The following RBFOX2 variants were observed in gnomAD, a reference collection of about 807,000 sequenced individuals.
The protein encoded by RBFOX2 is RNA binding protein fox-1 homolog 2.
RBFOX2 carries 10 observed loss-of-function variants against 49.1 expected under a neutral mutation model. The observed-to-expected ratio is 0.20, with a 90% CI of 0.13 to 0.35. The LOEUF (loss-of-function observed/expected upper bound fraction) is 0.35, where lower values mean the gene tolerates loss of function less well. Among genes scored for constraint, RBFOX2 ranks in the 10% least tolerant of loss-of-function variants. The pLI, the probability that RBFOX2 is intolerant of heterozygous loss-of-function variation, is 1.00. For missense variants in RBFOX2, 323 were observed against 486.9 expected, an observed-to-expected ratio of 0.66 and a Z score of 3.17; for synonymous variants, 183 against 187.4, an observed-to-expected ratio of 0.98 and a Z score of 0.19.
At chr22:35,971,727 G>A (rs1023379138) in intron 1 of RBFOX2, among the ~76,000 whole-genome samples, 1 of 151,988 alleles carries the variant, frequency 6.6e-6, no homozygotes, top group Non-Finnish European at 1.5e-5. Flanking sequence ...TTGCTCTTGA[G>A]CTCCAGCAGT....
At chr22:35,991,944 G>C (rs1392925820) in intron 1 of RBFOX2, among the ~76,000 whole-genome samples, 1 of 152,182 alleles carries the variant, frequency 6.6e-6, no homozygotes, top group African/African-American at 2.4e-5. Flanking sequence ...CTGTGGCTAA[G>C]TGCTTTACTT....
rs1029466054 is a variant in RBFOX2, at chr22:35,791,376, ACT to A, written c.253-9632_253-9631del. 1.2e-4 allele frequency among the ~76,000 whole-genome samples: 17 copies of A among 145,864 alleles called. 1 individual carries two copies. The East Asian group carries it at 1.5e-3, about 13-fold the overall frequency. On this transcript the variant is annotated intron_variant, in intron 2 of 11. Transcript: ENST00000405409. Reference sequence around the variant, plus strand: ...CTCCAGCCTGGGCAACAGAGCAAAAACTCTGTCTCAAAAAAAAAAAAAAGAAG... The same window carrying A: ...CTCCAGCCTGGGCAACAGAGCAAAAACTGTCTCAAAAAAAAAAAAAAGAAG...
intron 2 of RBFOX2, among the ~76,000 whole-genome samples, chr22:35,798,355 C>T (rs1949155831): frequency 6.6e-6 from 1 of 152,216 alleles, no homozygotes; most frequent in South Asian, 2.1e-4. Flanking sequence ...CACCTAGTGC[C>T]TAGCACAGTA....
Position 35,759,826 on chromosome 22 carries a change from T to A in RBFOX2, c.887+62A>T, listed in dbSNP as rs973675184. On this transcript the variant is annotated intron_variant, in intron 9 of 11. Transcript: ENST00000405409. The surrounding 1 kb of genome is among the most constrained non-coding windows in gnomAD (Gnocchi z 4.6). ...CCCAGAAGTTATGAAAGGGCCATGGTATTCTTTTTTGGTCCAACTGCTTAT... is the reference window on the plus strand; with the variant it reads ...CCCAGAAGTTATGAAAGGGCCATGGAATTCTTTTTTGGTCCAACTGCTTAT... The A allele has an allele frequency of 8.2e-6, 13 of 1,593,764 alleles. No homozygotes were observed. Among genetic ancestry groups the A allele is most frequent in the Non-Finnish European group, 1.1e-5 (13 of 1,163,976 alleles).
rs546333250 is a variant in RBFOX2, at chr22:35,913,996, G to A, written c.-34+24851C>T. 5.3e-5 allele frequency among the ~76,000 whole-genome samples: 8 copies of A among 152,264 alleles called. No individual in the cohort carries two copies. The South Asian group carries it at 6.2e-4, about 12-fold the overall frequency. ...TAAGTCATTTACTTGCTCTAGTAGC[G>A]GGGCTGTGAAAGAGGAGACAGTAAT... is the stretch of plus-strand genomic sequence containing the variant. On this transcript the variant is annotated intron_variant, in intron 1 of 13. Coordinates refer to the RBFOX2 transcript ENST00000359369.
At chr22:35,898,114 A>G (rs1603443080) in intron 1 of RBFOX2, 2 of 742,406 alleles carry the variant, frequency 2.7e-6, no homozygotes, top group South Asian at 1.4e-5. Flanking sequence ...CAGGTCTCCC[A>G]TGGGACGAAG....
intron 1 of RBFOX2, among the ~76,000 whole-genome samples, chr22:35,902,794 G>A (rs562708499): frequency 6.8e-6 from 1 of 147,482 alleles, no homozygotes. Flanking sequence ...ACATGCACAT[G>A]CCACCACGCC....
chr22:36,018,596 C>T (rs1407375038), intron 1 of RBFOX2, among the ~76,000 whole-genome samples: 1 of 152,124 alleles, frequency 6.6e-6, no homozygotes, highest in East Asian at 1.9e-4. Context: ...AGATTTTAAG[C>T]GTGGAGTAAC....
At chr22:35,784,293 C>A (rs551127829) in intron 2 of RBFOX2, among the ~76,000 whole-genome samples, 9 of 152,288 alleles carry the variant, frequency 5.9e-5, no homozygotes, top group South Asian at 2.1e-4. Context: ...AAAATGATCT[C>A]ATTAGGCCAG....
chr22:35,883,323 T>C (rs909795977), intron 1 of RBFOX2, among the ~76,000 whole-genome samples: 2 of 152,216 alleles, frequency 1.3e-5, no homozygotes, highest in Admixed American at 6.5e-5. Context: ...GCTATACCCA[T>C]AGATCTCTCC....
At chr22:35,793,511 A>G (rs944928017) in intron 2 of RBFOX2, among the ~76,000 whole-genome samples, 1 of 152,232 alleles carries the variant, frequency 6.6e-6, no homozygotes, top group Non-Finnish European at 1.5e-5. Context: ...TCAAAAAAGT[A>G]AAATCTTAGC....
At chr22:35,951,899 A>G (rs775828402) in intron 1 of RBFOX2, among the ~76,000 whole-genome samples, 3 of 152,196 alleles carry the variant, frequency 2.0e-5, no homozygotes, top group Non-Finnish European at 4.4e-5. Context: ...CTGAACATCT[A>G]TGTGAAAAAG....
At chr22:35,755,842 A>G (rs892962538) in intron 9 of RBFOX2, among the ~76,000 whole-genome samples, 6 of 152,122 alleles carry the variant, frequency 3.9e-5, no homozygotes, top group African/African-American at 1.2e-4. Context: ...GGAAGGGAAA[A>G]GAATATGTCC....
chr22:35,819,516 G>A (rs1384569707), intron 1 of RBFOX2, among the ~76,000 whole-genome samples: 1 of 152,124 alleles, frequency 6.6e-6, no homozygotes, highest in Non-Finnish European at 1.5e-5. Flanking sequence ...AAATCTGATA[G>A]TTAATTTATC....
chr22:36,011,077 T>C (rs1273450142), intron 1 of RBFOX2, among the ~76,000 whole-genome samples: 1 of 152,240 alleles, frequency 6.6e-6, no homozygotes, highest in Non-Finnish European at 1.5e-5. Context: ...GTATACAAGA[T>C]GTCATCATGA....
At chr22:35,997,913 G>A (rs1225399939) in intron 1 of RBFOX2, 3 of 152,182 alleles carry the variant, frequency 2.0e-5, no homozygotes, top group Non-Finnish European at 1.5e-5. Flanking sequence ...TAGGTGGGAG[G>A]ACTGCTTGAG....
intron 1 of RBFOX2, among the ~76,000 whole-genome samples, chr22:35,960,732 C>G (rs530757890): frequency 3.9e-5 from 6 of 152,036 alleles, no homozygotes; most frequent in African/African-American, 1.2e-4. Flanking sequence ...CACAAAATCA[C>G]GAAGAGCCAA....
chr22:35,777,991 A>C, intron 4 of RBFOX2, 34 bp downstream of exon 5: 1 of 1,566,554 alleles, frequency 6.4e-7, no homozygotes, highest in Non-Finnish European at 8.7e-7. Flanking sequence ...CTCAAAAAGA[A>C]ATCAAGCACA....
chr22:35,920,805 A>C (rs983944798), intron 1 of RBFOX2, among the ~76,000 whole-genome samples: 1 of 152,218 alleles, frequency 6.6e-6, no homozygotes, highest in African/African-American at 2.4e-5. Flanking sequence ...CCTGAGCTGG[A>C]GGCATTTTAC....
Sources: gnomAD v4.1 joint callset for allele counts (sites outside exome capture counted in the v4.1 genomes callset) on GRCh38, gnomAD v4.1.1 for gene constraint, Gnocchi (gnomAD v3.1) non-coding constraint, MANE v1.5 for transcripts, NCBI Gene and HGNC (gene_info 2026-07-23, HGNC 2026-07-21) for gene names.